Variants in CTNNA3 observed in about 807,000 individuals in gnomAD.
CTNNA3 encodes the protein catenin alpha 3.
CTNNA3 carries 76 observed loss-of-function variants against 95.7 expected under a neutral mutation model. The ratio of observed to expected loss-of-function variants is 0.79; its 90% CI spans 0.66 to 0.96. CTNNA3 has a LOEUF of 0.96. Among genes scored for constraint, CTNNA3 ranks in the 40% least tolerant of loss-of-function variants. CTNNA3 has a pLI of 0.00. For synonymous variants in CTNNA3, 431 were observed against 374.4 expected (o/e 1.15, Z -1.74); for missense variants, 1,191 against 1,089.8 (o/e 1.09, Z -1.31).
chr10:67,721,977 A>AC (rs1841181971), intron 1 of CTNNA3, among the ~76,000 whole-genome samples: 1 of 152,082 alleles, frequency 6.6e-6, no homozygotes, highest in African/African-American at 2.4e-5. Flanking sequence ...TTGCCTGGGT[A>AC]TCACCAGCGG....
chr10:67,210,924 C>G (rs138225878), intron 6 of CTNNA3, among the ~76,000 whole-genome samples: 4 of 152,106 alleles, frequency 2.6e-5, no homozygotes, highest in Non-Finnish European at 5.9e-5. Context: ...CCCTAGTTAA[C>G]GCTAAACTAA....
chr10:66,847,321 A>T (rs986741508), intron 7 of CTNNA3, among the ~76,000 whole-genome samples: 3 of 152,194 alleles, frequency 2.0e-5, no homozygotes, highest in African/African-American at 7.2e-5. Context: ...ATCATTCCAA[A>T]TTGACAGGAA....
chr10:67,539,012 T>G (rs1840576780), intron 4 of CTNNA3, among the ~76,000 whole-genome samples: 1 of 152,208 alleles, frequency 6.6e-6, no homozygotes, highest in Non-Finnish European at 1.5e-5. Flanking sequence ...TGTCTACATT[T>G]TCCTAATGGA....
At position 67,030,873 on chromosome 10, in the gene CTNNA3, G is replaced by A. The variant is rs137971905; in HGVS notation, c.1047+149444C>T. Among the ~76,000 whole-genome samples the A allele has an allele frequency of 3.8e-3, 583 of 152,152 alleles. 1 individual carries two copies. Among genetic ancestry groups the A allele is most frequent in the African/African-American group, 0.012 (488 of 41,522 alleles). The stretch of plus-strand genomic sequence containing the variant: ...ACAAAAATTAGCCAGGTGTGGTGGC[G>A]GGAGTCTGTAATCCCAGCTACTCAG... On this transcript the variant is annotated intron_variant, in intron 7 of 17. Coordinates refer to ENST00000433211, the MANE Select transcript of CTNNA3 (RefSeq NM_013266.4).
Position 65,919,610 on chromosome 10 carries a change from C to A in CTNNA3, c.*720G>T, listed in dbSNP as rs2077051764. The A allele has an allele frequency of 6.6e-6, 1 of 152,190 alleles. No homozygotes were observed. The highest frequency in any genetic ancestry group is 1.5e-5 in the Non-Finnish European group (1 of 68,040). 9.4% of individuals were successfully genotyped at this position (152,190 alleles called of 1,614,324 possible). A position where few individuals can be genotyped will look rare whatever the true frequency, so the allele number is the denominator to read the frequency against. Reference sequence around the variant, plus strand: ...CACTCAAAAGTACAGAACTCTCTAACACATTGGAAACCCAAAAGGTGAGTA... The same window carrying A: ...CACTCAAAAGTACAGAACTCTCTAAAACATTGGAAACCCAAAAGGTGAGTA... On this transcript the variant is annotated 3_prime_UTR_variant, in exon 18 of 18. Coordinates refer to ENST00000433211, the MANE Select transcript of CTNNA3 (RefSeq NM_013266.4).
At chr10:67,498,655 T>C (rs973784131) in intron 5 of CTNNA3, among the ~76,000 whole-genome samples, 1 of 152,186 alleles carries the variant, frequency 6.6e-6, no homozygotes, top group Non-Finnish European at 1.5e-5. Flanking sequence ...TTCACATCCC[T>C]TGTAAGTTTT....
chr10:66,356,497 T>G (rs907852879), intron 12 of CTNNA3, among the ~76,000 whole-genome samples: 4 of 152,054 alleles, frequency 2.6e-5, no homozygotes. Context: ...TTCCAATTGT[T>G]CATTGCTAGC....
At chr10:67,715,083 T>G (rs1169521613) in intron 1 of CTNNA3, among the ~76,000 whole-genome samples, 3 of 152,166 alleles carry the variant, frequency 2.0e-5, no homozygotes, top group Non-Finnish European at 4.4e-5. Context: ...TTGGGATGAC[T>G]CAGAAATAGC....
intron 17 of CTNNA3, among the ~76,000 whole-genome samples, chr10:65,951,768 G>A (rs1232895563): frequency 1.3e-5 from 2 of 152,100 alleles, no homozygotes; most frequent in Non-Finnish European, 2.9e-5. Flanking sequence ...GGTGGCTTAC[G>A]CCTGTAATCC....
chr10:66,583,611 T>C (rs1843266277), intron 10 of CTNNA3, among the ~76,000 whole-genome samples: 1 of 151,854 alleles, frequency 6.6e-6, no homozygotes, highest in Non-Finnish European at 1.5e-5. Context: ...TTCTAACAAT[T>C]TTATCTTTTT....
chr10:67,620,008 C>A (rs544965899), intron 2 of CTNNA3, among the ~76,000 whole-genome samples: 5 of 151,860 alleles, frequency 3.3e-5, no homozygotes, highest in African/African-American at 1.2e-4. Context: ...GAAAAACAAT[C>A]AAAATGAGGC....
chr10:66,001,925 A>G (rs1235500242), intron 15 of CTNNA3, among the ~76,000 whole-genome samples: 2 of 152,182 alleles, frequency 1.3e-5, no homozygotes, highest in Non-Finnish European at 2.9e-5. Context: ...AATATAAAAT[A>G]TATACACACA....
At chr10:67,678,152 A>G (rs1377846432) in intron 1 of CTNNA3, among the ~76,000 whole-genome samples, 1 of 152,226 alleles carries the variant, frequency 6.6e-6, no homozygotes, top group Non-Finnish European at 1.5e-5. Context: ...ATCGTGTAAC[A>G]TAAAAGAGGA....
At chr10:67,709,839 A>G (rs1300122198) in intron 1 of CTNNA3, among the ~76,000 whole-genome samples, 3 of 152,104 alleles carry the variant, frequency 2.0e-5, no homozygotes, top group Non-Finnish European at 4.4e-5. Context: ...GTTGAGCACA[A>G]TCTCTCTCCT....
At chr10:67,526,440 T>C (rs1307191240) in intron 4 of CTNNA3, among the ~76,000 whole-genome samples, 1 of 151,942 alleles carries the variant, frequency 6.6e-6, no homozygotes, top group African/African-American at 2.4e-5. Context: ...TAGAAATAGT[T>C]CTATGTAGGT....
intron 11 of CTNNA3, among the ~76,000 whole-genome samples, chr10:66,442,107 C>T (rs2093379157): frequency 2.6e-5 from 4 of 152,122 alleles, no homozygotes; most frequent in Admixed American, 2.6e-4. Flanking sequence ...CACGTACAGA[C>T]ATTTTTCTTG....
rs192618331 is a variant in CTNNA3 at position 67,687,556 on chromosome 10, G to A, written c.-6+8444C>T. Among the ~76,000 whole-genome samples, 572 of 152,210 alleles carry A rather than the reference G, an allele frequency of 3.8e-3. 4 individuals carry two copies. The highest frequency in any genetic ancestry group is 0.013 in the African/African-American group (545 of 41,522). On this transcript the variant is annotated intron_variant, in intron 1 of 17. Transcript: ENST00000433211. Reference sequence around the variant, plus strand: ...TGATCTTGCTTTTCTTTTTGGGCCTGTTTCTCTTGGTCCCTATTATAGAAC... The same window carrying A: ...TGATCTTGCTTTTCTTTTTGGGCCTATTTCTCTTGGTCCCTATTATAGAAC...
intron 9 of CTNNA3, among the ~76,000 whole-genome samples, chr10:66,667,867 G>A (rs143262883): frequency 6.6e-6 from 1 of 151,820 alleles, no homozygotes; most frequent in Non-Finnish European, 1.5e-5. Flanking sequence ...GTTTTCATGG[G>A]CATATGCCTT....
chr10:66,414,592 C>T (rs2093132085), intron 11 of CTNNA3, among the ~76,000 whole-genome samples: 1 of 152,140 alleles, frequency 6.6e-6, no homozygotes, highest in Non-Finnish European at 1.5e-5. Context: ...TGAATATGGT[C>T]ATGGTCCTTC....
Sources: allele counts gnomAD v4.1 joint callset (sites outside exome capture counted in the v4.1 genomes callset), GRCh38; gene constraint gnomAD v4.1.1; transcripts MANE v1.5; gene names NCBI Gene and HGNC (gene_info 2026-07-23, HGNC 2026-07-21).